HTR1F: variants seen among roughly 807,000 people sequenced by gnomAD.
The protein encoded by HTR1F is 5-hydroxytryptamine (serotonin) receptor 1F, G protein-coupled.
A neutral mutation model predicts 24.0 loss-of-function variants in HTR1F; 17 were observed. That is an observed-to-expected ratio of 0.71 (90% CI 0.48 to 1.06). The LOEUF (loss-of-function observed/expected upper bound fraction) is 1.06. Among genes scored for constraint, HTR1F ranks in the 50% least tolerant of loss-of-function variants. The probability of loss-of-function intolerance (pLI) is 0.00; values close to 1 mark genes in which losing one functional copy is unlikely to be tolerated. For missense variants in HTR1F, 391 were observed against 427.8 expected (o/e 0.91, Z 0.76); for synonymous variants, 186 against 156.8 (o/e 1.19, Z -1.39).
At chr3:87,869,677 A>G (rs1301865177) in intron 2 of HTR1F, among the ~76,000 whole-genome samples, 1 of 152,104 alleles carries the variant, frequency 6.6e-6, no homozygotes, top group African/African-American at 2.4e-5. Flanking sequence ...AACTGATGTT[A>G]GGCAGAAGAA....
In HTR1F at chr3:87,896,932, A is replaced by G. The variant is rs539907945; in HGVS notation, c.-43+74808A>G. ...ATACATGTCGGTGAGAGTGTGGAGA[A>G]AAGGGAACCCTTGTACGCTGTTGGT... On this transcript the variant is annotated intron_variant, in intron 2 of 2. Coordinates refer to ENST00000319595, the MANE Select transcript of HTR1F (RefSeq NM_001322209.2). Among the ~76,000 whole-genome samples the G allele has an allele frequency of 2.6e-5, 4 of 152,236 alleles. No homozygotes were observed. In the South Asian group the frequency reaches 8.3e-4, roughly 32 times the overall value.
intron 2 of HTR1F, among the ~76,000 whole-genome samples, chr3:87,829,627 C>T (rs1704534438): frequency 6.6e-6 from 1 of 152,204 alleles, no homozygotes; most frequent in Admixed American, 6.5e-5. Flanking sequence ...TGTTTGCACA[C>T]TTGTGTTCCA....
chr3:87,855,589 T>G (rs76713363), intron 2 of HTR1F, among the ~76,000 whole-genome samples: 4 of 152,202 alleles, frequency 2.6e-5, no homozygotes, highest in Non-Finnish European at 5.9e-5. Flanking sequence ...TTTAGAATTT[T>G]TTTTCTCTGT....
intron 2 of HTR1F, among the ~76,000 whole-genome samples, chr3:87,975,021 CTA>C (rs1705364207): frequency 6.6e-6 from 1 of 152,100 alleles, no homozygotes; most frequent in East Asian, 1.9e-4. Flanking sequence ...CCAACATACT[CTA>C]TAATATTTTA....
chr3:87,894,559 C>CTTTTTT (rs35190252), intron 2 of HTR1F, among the ~76,000 whole-genome samples: 6 of 74,662 alleles, frequency 8.0e-5, no homozygotes, highest in South Asian at 4.6e-4. Flanking sequence ...TGCCCAGCCT[C>CTTTTTT]TTTTTTTTTT....
At chr3:87,893,380 A>G (rs1336150997) in intron 2 of HTR1F, among the ~76,000 whole-genome samples, 2 of 152,252 alleles carry the variant, frequency 1.3e-5, no homozygotes, top group African/African-American at 4.8e-5. Flanking sequence ...TGCTTAATTT[A>G]CAATGCTAAA....
At chr3:87,901,989 A>T (rs1457034263) in intron 2 of HTR1F, among the ~76,000 whole-genome samples, 1 of 152,110 alleles carries the variant, frequency 6.6e-6, no homozygotes, top group Non-Finnish European at 1.5e-5. Flanking sequence ...CAATATTATA[A>T]ATATATTAAT....
chr3:87,972,280 G>A (rs530117921), intron 2 of HTR1F, among the ~76,000 whole-genome samples: 134 of 152,234 alleles, frequency 8.8e-4, no homozygotes, highest in Non-Finnish European at 1.5e-3. Flanking sequence ...GTATGTTTGT[G>A]TTTTACAATA....
chr3:87,940,155 T>G (rs1704533546), intron 2 of HTR1F, among the ~76,000 whole-genome samples: 1 of 152,240 alleles, frequency 6.6e-6, no homozygotes, highest in South Asian at 2.1e-4. Flanking sequence ...TTGTTCAGTT[T>G]CCATGTAGTT....
chr3:87,817,612 T>G (rs1461522319), intron 1 of HTR1F, among the ~76,000 whole-genome samples: 2 of 152,184 alleles, frequency 1.3e-5, no homozygotes, highest in Non-Finnish European at 2.9e-5. Flanking sequence ...GAATATGAAC[T>G]AACCAACACT....
At chr3:87,897,061 T>A (rs1706213462) in intron 2 of HTR1F, among the ~76,000 whole-genome samples, 1 of 152,022 alleles carries the variant, frequency 6.6e-6, no homozygotes, top group Non-Finnish European at 1.5e-5. Context: ...CTTCTGGATA[T>A]ATATTCAAAG....
At chr3:87,965,367 T>G (rs1705142173) in intron 2 of HTR1F, among the ~76,000 whole-genome samples, 1 of 152,220 alleles carries the variant, frequency 6.6e-6, no homozygotes, top group African/African-American at 2.4e-5. Context: ...TTGATACACA[T>G]CTCCTATCAT....
intron 2 of HTR1F, among the ~76,000 whole-genome samples, chr3:87,876,314 T>C (rs775992602): frequency 2.6e-5 from 4 of 152,160 alleles, no homozygotes; most frequent in Non-Finnish European, 5.9e-5. Flanking sequence ...CCTATGATCA[T>C]TGCAGCATTA....
At chr3:87,917,343 T>C (rs1486642926) in intron 2 of HTR1F, among the ~76,000 whole-genome samples, 1 of 137,878 alleles carries the variant, frequency 7.3e-6, no homozygotes, top group African/African-American at 2.7e-5. Context: ...AGCAGAAGAA[T>C]GGAAATAACC....
In HTR1F at chr3:87,991,464, A is replaced by T; in HGVS notation, c.715A>T (p.Lys239Ter). The T allele has an allele frequency of 3.7e-6, 6 of 1,614,072 alleles. No individual in the cohort carries two copies. Among genetic ancestry groups the T allele is most frequent in the Non-Finnish European group, 5.1e-6 (6 of 1,179,986 alleles). ...VLLESGEKSTKSVSTSYVLEK... is the reference protein window; with the variant it reads ...VLLESGEKST Reference sequence around the variant, plus strand: ...TTTGGAGAGTGGTGAGAAAAGCACTAAATCAGTTTCCACATCCTATGTACT... The same window carrying T: ...TTTGGAGAGTGGTGAGAAAAGCACTTAATCAGTTTCCACATCCTATGTACT... Residue 239 changes from lysine to a stop codon, truncating the protein, a stop_gained, in exon 3 of 3, where the codon AAA becomes TAA. Transcript: ENST00000319595. LOFTEE classifies it high-confidence loss of function.
At chr3:87,844,926 G>T (rs1704903944) in intron 2 of HTR1F, among the ~76,000 whole-genome samples, 1 of 151,814 alleles carries the variant, frequency 6.6e-6, no homozygotes, top group Admixed American at 6.5e-5. Context: ...TGCTGTTTTG[G>T]TTACTGTAGC....
intron 2 of HTR1F, among the ~76,000 whole-genome samples, chr3:87,986,043 A>AT (rs146538022): frequency 0.017 from 2,569 of 152,222 alleles, 83 homozygotes; most frequent in African/African-American, 0.058. Flanking sequence ...ACTAATCTTG[A>AT]TTTTTTTCCC....
intron 2 of HTR1F, among the ~76,000 whole-genome samples, chr3:87,907,089 T>C (rs1409357437): frequency 1.3e-5 from 2 of 152,084 alleles, no homozygotes; most frequent in Non-Finnish European, 2.9e-5. Flanking sequence ...AGTTCTACTT[T>C]TGGCTCTTTA....
intron 2 of HTR1F, among the ~76,000 whole-genome samples, chr3:87,917,890 T>C (rs888553520): frequency 2.6e-5 from 4 of 152,010 alleles, no homozygotes; most frequent in African/African-American, 9.7e-5. Context: ...ATCACCCTAA[T>C]ACCAAAACCA....
Sources: allele counts gnomAD v4.1 joint callset (sites outside exome capture counted in the v4.1 genomes callset), GRCh38; gene constraint gnomAD v4.1.1; transcripts MANE v1.5; gene names NCBI Gene and HGNC (gene_info 2026-07-23, HGNC 2026-07-21).